The following RPH3A variants were observed in gnomAD, a reference collection of about 807,000 sequenced individuals.
The protein encoded by RPH3A is rabphilin-3A.
A neutral mutation model predicts 102.2 loss-of-function variants in RPH3A; 48 were observed. The ratio of observed to expected loss-of-function variants is 0.47; its 90% CI spans 0.37 to 0.60. The LOEUF is 0.60. RPH3A is among the 20% of genes least tolerant of loss of function. The probability of loss-of-function intolerance (pLI) is 0.00; values close to 1 mark genes in which losing one functional copy is unlikely to be tolerated. For missense variants in RPH3A, 781 were observed against 910.1 expected (o/e 0.86, Z 1.83); for synonymous variants, 310 against 324.3 (o/e 0.96, Z 0.47).
rs1473414104 is a variant in RPH3A at position 112,713,023 on chromosome 12, C to CTCTTCCTCTTCCTCTTCCTCTTCT, written c.-139-79115_-139-79114insCTCTTCCTCTTCCTCTTCTTCTTC. ...CCTCTTCCTCTTCCTCTTCCTCTTCCTCTTCTTCTTCTTCTTCTTCTTCTT... is the reference window on the plus strand; with the variant it reads ...CCTCTTCCTCTTCCTCTTCCTCTTCCTCTTCCTCTTCCTCTTCCTCTTCTTCTTCTTCTTCTTCTTCTTCTTCTT... On this transcript the variant is annotated intron_variant, in intron 1 of 21. Transcript: ENST00000543106. 1.1e-4 allele frequency among the ~76,000 whole-genome samples: 6 copies of CTCTTCCTCTTCCTCTTCCTCTTCT among 52,816 alleles called. 1 individual carries two copies. The highest frequency in any genetic ancestry group is 2.3e-4 in the Admixed American group (1 of 4,356). The allele number at this position is 52,816 out of a possible 152,430, so 34.6% of individuals were successfully genotyped here. A position where few individuals can be genotyped will look rare whatever the true frequency, so the allele number is the denominator to read the frequency against.
At chr12:112,674,573 A>G (rs918881737) in intron 1 of RPH3A, among the ~76,000 whole-genome samples, 1 of 152,096 alleles carries the variant, frequency 6.6e-6, no homozygotes, top group African/African-American at 2.4e-5. Flanking sequence ...ATTTTTACCT[A>G]AAGGGACCCC....
At chr12:112,757,751 A>G (rs1212030723) in intron 1 of RPH3A, among the ~76,000 whole-genome samples, 2 of 152,202 alleles carry the variant, frequency 1.3e-5, no homozygotes, top group Non-Finnish European at 2.9e-5. Context: ...GATGGGTGGT[A>G]GAGAGTGGGT....
At chr12:112,637,460 A>G (rs2039856566) in intron 1 of RPH3A, among the ~76,000 whole-genome samples, 1 of 152,188 alleles carries the variant, frequency 6.6e-6, no homozygotes, top group Non-Finnish European at 1.5e-5. Context: ...GGGGAGGATC[A>G]TGCTGAAGGG....
intron 1 of RPH3A, among the ~76,000 whole-genome samples, chr12:112,769,398 G>A (rs145109291): frequency 8.5e-5 from 13 of 152,184 alleles, no homozygotes; most frequent in Non-Finnish European, 1.8e-4. Context: ...ACCAGAACCC[G>A]CTACTGAATT....
intron 1 of RPH3A, among the ~76,000 whole-genome samples, chr12:112,630,118 A>T (rs1021657322): frequency 6.6e-6 from 1 of 152,082 alleles, no homozygotes; most frequent in African/African-American, 2.4e-5. Context: ...CCACTCATCT[A>T]CCCATCCATC....
At chr12:112,764,874 C>G (rs1310465333) in intron 1 of RPH3A, among the ~76,000 whole-genome samples, 1 of 152,088 alleles carries the variant, frequency 6.6e-6, no homozygotes, top group Non-Finnish European at 1.5e-5. Context: ...TTTTCATCCC[C>G]CCATAACCAA....
intron 1 of RPH3A, among the ~76,000 whole-genome samples, chr12:112,678,735 A>G (rs1419918752): frequency 2.0e-5 from 3 of 152,162 alleles, no homozygotes; most frequent in Admixed American, 1.3e-4. Context: ...ACTCCATGTC[A>G]GGTGTGGCGC....
At chr12:112,839,306 T>C (rs2042104956) in intron 4 of RPH3A, among the ~76,000 whole-genome samples, 1 of 149,244 alleles carries the variant, frequency 6.7e-6, no homozygotes, top group Non-Finnish European at 1.5e-5. Flanking sequence ...AGTTTCACTC[T>C]TTTTTTTCTT....
At chr12:112,631,283 A>T (rs951385659) in intron 1 of RPH3A, among the ~76,000 whole-genome samples, 1 of 152,126 alleles carries the variant, frequency 6.6e-6, no homozygotes, top group Non-Finnish European at 1.5e-5. Flanking sequence ...TCACAGTGAA[A>T]TGGAGGCAGG....
chr12:112,868,691 C>T, intron 8 of RPH3A, 96 bp downstream of exon 8: 1 of 1,360,158 alleles, frequency 7.4e-7, no homozygotes, highest in Admixed American at 2.3e-5. Flanking sequence ...GTGTTTCCAC[C>T]CAGTTGTTGC....
In RPH3A at chr12:112,881,905, G is replaced by A. The variant is rs982900488; in HGVS notation, c.1326+59G>A. 52 of 1,418,912 alleles carry A rather than the reference G, an allele frequency of 3.7e-5. No individual in the cohort carries two copies. The African/African-American group carries it at 6.1e-4, about 17-fold the overall frequency. The allele number at this position is 1,418,912 out of a possible 1,614,324, so 87.9% of individuals were successfully genotyped here. A position where few individuals can be genotyped will look rare whatever the true frequency, so the allele number is the denominator to read the frequency against. On this transcript the variant is annotated intron_variant, in intron 15 of 21. Transcript: ENST00000389385. ...GTGCATGGGCCCTGGCAGATACCCAGGGTTCTCAGCTCAGAGCCCAAAATA... is the reference window on the plus strand; with the variant it reads ...GTGCATGGGCCCTGGCAGATACCCAAGGTTCTCAGCTCAGAGCCCAAAATA...
At chr12:112,681,296 C>T (rs2040224478) in intron 1 of RPH3A, among the ~76,000 whole-genome samples, 1 of 152,234 alleles carries the variant, frequency 6.6e-6, no homozygotes, top group South Asian at 2.1e-4. Context: ...TGGCCTTCCC[C>T]CTGCATCTCT....
chr12:112,749,218 C>A (rs2040769430), intron 1 of RPH3A, among the ~76,000 whole-genome samples: 1 of 152,148 alleles, frequency 6.6e-6, no homozygotes, highest in African/African-American at 2.4e-5. Flanking sequence ...TGCCTTCAAT[C>A]CATTTGATCC....
At chr12:112,764,970 C>T (rs2040878176) in intron 1 of RPH3A, among the ~76,000 whole-genome samples, 1 of 152,128 alleles carries the variant, frequency 6.6e-6, no homozygotes, top group Non-Finnish European at 1.5e-5. Flanking sequence ...TAACTTGTTC[C>T]TCAAACTATT....
chr12:112,804,155 A>G (rs1593019197), intron 2 of RPH3A, among the ~76,000 whole-genome samples: 1 of 152,172 alleles, frequency 6.6e-6, no homozygotes, highest in African/African-American at 2.4e-5. Context: ...AGGCAAACCA[A>G]TTTCCCAAGA....
chr12:112,872,233 T>A (rs1467763667), intron 10 of RPH3A, among the ~76,000 whole-genome samples: 3 of 152,222 alleles, frequency 2.0e-5, no homozygotes, highest in Admixed American at 2.0e-4. Flanking sequence ...TTTTTGTTTT[T>A]AATAAGTCAT....
chr12:112,748,934 A>C (rs1283945912), intron 1 of RPH3A, among the ~76,000 whole-genome samples: 1 of 151,994 alleles, frequency 6.6e-6, no homozygotes, highest in Admixed American at 6.6e-5. Flanking sequence ...GGAACATGCC[A>C]TATCATACTT....
intron 1 of RPH3A, among the ~76,000 whole-genome samples, chr12:112,748,525 G>T (rs188827208): frequency 8.5e-4 from 130 of 152,140 alleles, no homozygotes; most frequent in African/African-American, 3.1e-3. Context: ...GTAGAGATGG[G>T]GGCCTTACTA....
chr12:112,724,577 A>G (rs1336021413), intron 1 of RPH3A, among the ~76,000 whole-genome samples: 1 of 152,240 alleles, frequency 6.6e-6, no homozygotes, highest in Non-Finnish European at 1.5e-5. Flanking sequence ...TCAAATGCTT[A>G]TTTATAGGTT....
Sources: allele counts gnomAD v4.1 joint callset (sites outside exome capture counted in the v4.1 genomes callset), GRCh38; gene constraint gnomAD v4.1.1; transcripts MANE v1.5; gene names NCBI Gene and HGNC (gene_info 2026-07-23, HGNC 2026-07-21).